Variants in ADCY2 observed in about 807,000 individuals in gnomAD.
ADCY2 encodes adenylate cyclase 2, also known as adenylate cyclase type 2.
A neutral mutation model predicts 125.2 loss-of-function variants in ADCY2; 31 were observed. The ratio of observed to expected loss-of-function variants is 0.25; its 90% CI spans 0.19 to 0.33. The LOEUF is 0.33. ADCY2 is among the 10% of genes least tolerant of loss of function. ADCY2 has a pLI of 1.00. For missense variants in ADCY2, 904 were observed against 1,418.2 expected, an observed-to-expected ratio of 0.64 and a Z score of 5.82; for synonymous variants, 512 against 548.4, an observed-to-expected ratio of 0.93 and a Z score of 0.93.
intron 4 of ADCY2, among the ~76,000 whole-genome samples, chr5:7,657,264 G>A (rs979673804): frequency 4.6e-5 from 7 of 152,228 alleles, no homozygotes; most frequent in Non-Finnish European, 1.0e-4. Context: ...TTAGTCCACT[G>A]GAGGGCTGAG....
intron 18 of ADCY2, among the ~76,000 whole-genome samples, chr5:7,774,380 A>G (rs1045939500): frequency 1.3e-5 from 2 of 152,244 alleles, no homozygotes. Flanking sequence ...CCAACTAAAC[A>G]TGCTTTACTA....
chr5:7,587,372 T>A (rs1027364240), intron 3 of ADCY2, among the ~76,000 whole-genome samples: 7 of 152,350 alleles, frequency 4.6e-5, no homozygotes, highest in African/African-American at 1.7e-4. Context: ...TCTTCCCTAC[T>A]CTGTTGCGAG....
At chr5:7,640,852 G>A (rs1738677890) in intron 4 of ADCY2, among the ~76,000 whole-genome samples, 1 of 152,052 alleles carries the variant, frequency 6.6e-6, no homozygotes, top group South Asian at 2.1e-4. Flanking sequence ...TTGAAACAGA[G>A]GATAATGGGC....
intron 4 of ADCY2, among the ~76,000 whole-genome samples, chr5:7,671,607 C>A (rs1251098269): frequency 1.3e-5 from 2 of 152,082 alleles, no homozygotes; most frequent in African/African-American, 4.8e-5. Context: ...AATTGTAACT[C>A]TTACTTGGTG....
At chr5:7,601,776 T>C (rs1264219869) in intron 3 of ADCY2, among the ~76,000 whole-genome samples, 1 of 152,212 alleles carries the variant, frequency 6.6e-6, no homozygotes, top group Non-Finnish European at 1.5e-5. Flanking sequence ...CCTTCCTGCA[T>C]TTCCCTCCTG....
chr5:7,627,392 GC>G (rs1429335830), intron 4 of ADCY2, among the ~76,000 whole-genome samples: 3 of 152,186 alleles, frequency 2.0e-5, no homozygotes, highest in African/African-American at 7.2e-5. Flanking sequence ...TGGAGAAGAA[GC>G]CATAGAGGGG....
At chr5:7,438,056 A>G (rs1253161196) in intron 2 of ADCY2, among the ~76,000 whole-genome samples, 2 of 152,358 alleles carry the variant, frequency 1.3e-5, no homozygotes, top group Non-Finnish European at 2.9e-5. Flanking sequence ...CTCACTGATT[A>G]CAATCTATTT....
chr5:7,399,878 A>G (rs980424965), intron 1 of ADCY2, among the ~76,000 whole-genome samples: 4 of 152,222 alleles, frequency 2.6e-5, no homozygotes, highest in African/African-American at 9.6e-5. Context: ...AGCTAATGAA[A>G]TGAAATTTTA....
chr5:7,543,829 T>A (rs1735069324), intron 3 of ADCY2, among the ~76,000 whole-genome samples: 1 of 151,686 alleles, frequency 6.6e-6, no homozygotes, highest in African/African-American at 2.4e-5. Context: ...CTGGCTAACA[T>A]GGTGAAACCC....
intron 15 of ADCY2, among the ~76,000 whole-genome samples, chr5:7,752,099 A>G (rs1008636215): frequency 2.0e-5 from 3 of 152,208 alleles, no homozygotes; most frequent in African/African-American, 7.2e-5. Flanking sequence ...CAGTGGAGCA[A>G]CAGTGCAGGG....
At chr5:7,760,340 T>G (rs959805350) in intron 16 of ADCY2, among the ~76,000 whole-genome samples, 1 of 152,244 alleles carries the variant, frequency 6.6e-6, no homozygotes, top group Admixed American at 6.5e-5. Flanking sequence ...TGAGAGAGAC[T>G]GGGTCGGAAG....
At chr5:7,443,639 C>CAAAAAAAAAAAAAA (rs56089574) in intron 2 of ADCY2, among the ~76,000 whole-genome samples, 1 of 51,198 alleles carries the variant, frequency 2.0e-5, no homozygotes, top group African/African-American at 9.1e-5. Flanking sequence ...GACTCTGTCT[C>CAAAAAAAAAAAAAA]AAAAAAAAAA....
intron 2 of ADCY2, among the ~76,000 whole-genome samples, chr5:7,470,623 CT>C (rs1742298956): frequency 7.4e-6 from 1 of 134,894 alleles, no homozygotes; most frequent in Admixed American, 7.5e-5. Flanking sequence ...GTTTTAAAAA[CT>C]ACTGTATATA....
At chr5:7,607,778 G>A (rs531678678) in intron 3 of ADCY2, among the ~76,000 whole-genome samples, 2 of 152,338 alleles carry the variant, frequency 1.3e-5, no homozygotes, top group South Asian at 4.1e-4. Flanking sequence ...TTTGTGTGCA[G>A]AATTGGCTGT....
chr5:7,507,640 T>A (rs374973511), intron 2 of ADCY2, among the ~76,000 whole-genome samples: 117 of 152,268 alleles, frequency 7.7e-4, no homozygotes, highest in African/African-American at 2.6e-3. Flanking sequence ...AAATAAACTT[T>A]CTTTCTTTGC....
At chr5:7,412,336 T>A (rs1362987584) in intron 1 of ADCY2, among the ~76,000 whole-genome samples, 1 of 152,244 alleles carries the variant, frequency 6.6e-6, no homozygotes, top group Non-Finnish European at 1.5e-5. Flanking sequence ...GTTTCCTGAT[T>A]ATTTACTGGT....
intron 3 of ADCY2, among the ~76,000 whole-genome samples, chr5:7,589,458 AAAAGAAAG>A (rs369587426): frequency 0.029 from 2,103 of 72,974 alleles, 62 homozygotes; most frequent in African/African-American, 0.078. Context: ...GAAGGAAAGA[AAAAGAAAG>A]AAAGAAAGAA....
At chr5:7,567,342 C>G (rs1319907475) in intron 3 of ADCY2, among the ~76,000 whole-genome samples, 1 of 148,106 alleles carries the variant, frequency 6.8e-6, no homozygotes, top group Non-Finnish European at 1.5e-5. Context: ...ATAAACTTAT[C>G]TGCAATGGAT....
At chr5:7,755,770 C>T (rs1347425116) in intron 15 of ADCY2, among the ~76,000 whole-genome samples, 1 of 152,160 alleles carries the variant, frequency 6.6e-6, no homozygotes, top group Non-Finnish European at 1.5e-5. Flanking sequence ...TGTGTTTAGA[C>T]GATCATTCAA....
Sources: allele counts gnomAD v4.1 joint callset (sites outside exome capture counted in the v4.1 genomes callset), GRCh38; gene constraint gnomAD v4.1.1; transcripts MANE v1.5; gene names NCBI Gene and HGNC (gene_info 2026-07-23, HGNC 2026-07-21).